Variants in PRKAR2B observed in about 807,000 individuals in gnomAD.
PRKAR2B encodes cAMP-dependent protein kinase type II-beta regulatory subunit.
PRKAR2B carries 14 observed loss-of-function variants against 49.9 expected under a neutral mutation model. The ratio of observed to expected loss-of-function variants is 0.28; its 90% CI spans 0.19 to 0.44. The LOEUF is 0.44. PRKAR2B is among the 20% of genes least tolerant of loss of function. The pLI is 1.00. For synonymous variants in PRKAR2B, 196 were observed against 197.7 expected (o/e 0.99, Z 0.07); for missense variants, 393 against 537.9 (o/e 0.73, Z 2.67).
chr7:107,143,157 A>G (rs1584450754), intron 5 of PRKAR2B, among the ~76,000 whole-genome samples: 1 of 152,262 alleles, frequency 6.6e-6, no homozygotes, highest in South Asian at 2.1e-4. Flanking sequence ...GCTTTGTTTT[A>G]CCCTATTCAA....
intron 2 of PRKAR2B, among the ~76,000 whole-genome samples, chr7:107,073,514 G>A (rs536204435): frequency 2.6e-5 from 4 of 152,274 alleles, no homozygotes; most frequent in East Asian, 1.9e-4. Context: ...GAAGAGAAGC[G>A]TAGATGGGCA....
intron 4 of PRKAR2B, among the ~76,000 whole-genome samples, chr7:107,138,677 G>T (rs899844066): frequency 2.0e-5 from 3 of 149,674 alleles, no homozygotes; most frequent in African/African-American, 7.4e-5. Context: ...CCTCTCCTGA[G>T]TAGCTGAGAC....
At chr7:107,117,952 A>G (rs867447997) in intron 2 of PRKAR2B, among the ~76,000 whole-genome samples, 2 of 152,164 alleles carry the variant, frequency 1.3e-5, no homozygotes, top group Non-Finnish European at 2.9e-5. Context: ...AAAACAGGGA[A>G]ACCTCAATAT....
chr7:107,064,247 C>T (rs1757725823), intron 1 of PRKAR2B, among the ~76,000 whole-genome samples: 1 of 152,178 alleles, frequency 6.6e-6, no homozygotes, highest in Non-Finnish European at 1.5e-5. Context: ...ACTGGAGACT[C>T]ATGTTCATTC....
chr7:107,137,150 GCAGGTCTTTATATTCTGC>G (rs1395232579), intron 4 of PRKAR2B, among the ~76,000 whole-genome samples: 2 of 152,152 alleles, frequency 1.3e-5, no homozygotes, highest in Non-Finnish European at 1.5e-5. Context: ...TCATTCCTAG[GCAGGTCTTTATATTCTGC>G]CAAAACCTCC....
At chr7:107,125,538 A>G (rs950659336) in intron 3 of PRKAR2B, among the ~76,000 whole-genome samples, 1 of 152,182 alleles carries the variant, frequency 6.6e-6, no homozygotes, top group Non-Finnish European at 1.5e-5. Flanking sequence ...GGATCATGCT[A>G]AGCCCCAGAG....
chr7:107,146,968 C>G (rs1016115365), intron 6 of PRKAR2B, among the ~76,000 whole-genome samples: 1 of 152,160 alleles, frequency 6.6e-6, no homozygotes, highest in Admixed American at 6.5e-5. Flanking sequence ...AAAGGATGCT[C>G]TTGGTGCTAT....
chr7:107,141,429 G>C (rs1384977404), intron 5 of PRKAR2B, among the ~76,000 whole-genome samples: 2 of 152,146 alleles, frequency 1.3e-5, no homozygotes, highest in African/African-American at 4.8e-5. Flanking sequence ...GGCGGCTCAG[G>C]CCTGCAATCT....
chr7:107,114,325 TGTGTGTG>T (rs1795228674), intron 2 of PRKAR2B, among the ~76,000 whole-genome samples: 1 of 2,376 alleles, frequency 4.2e-4, no homozygotes, highest in Non-Finnish European at 8.4e-4. Context: ...CATGTACAGC[TGTGTGTG>T]TGTGTGTGTG....
At chr7:107,151,829 A>C (rs1356703957) in intron 7 of PRKAR2B, among the ~76,000 whole-genome samples, 1 of 152,192 alleles carries the variant, frequency 6.6e-6, no homozygotes, top group African/African-American at 2.4e-5. Context: ...CAAAATTAGA[A>C]GTATAGTTTC....
At chr7:107,152,678 G>C (rs1017084243) in intron 7 of PRKAR2B, among the ~76,000 whole-genome samples, 1 of 152,204 alleles carries the variant, frequency 6.6e-6, no homozygotes, top group African/African-American at 2.4e-5. Context: ...AAACAGCAGT[G>C]CTTCTCCTTT....
At chr7:107,149,639 T>C (rs1795948459) in intron 6 of PRKAR2B, among the ~76,000 whole-genome samples, 1 of 152,088 alleles carries the variant, frequency 6.6e-6, no homozygotes, top group Non-Finnish European at 1.5e-5. Context: ...GTGATTAGGA[T>C]TTCAACAGAG....
chr7:107,127,903 G>C (rs1347017041), intron 3 of PRKAR2B, among the ~76,000 whole-genome samples: 2 of 152,192 alleles, frequency 1.3e-5, no homozygotes, highest in Non-Finnish European at 2.9e-5. Flanking sequence ...AATCTTCCTA[G>C]CCAGTCACAG....
intron 2 of PRKAR2B, among the ~76,000 whole-genome samples, chr7:107,111,520 CAAAACACAGAGAGAG>C (rs1443333903): frequency 6.6e-6 from 1 of 152,116 alleles, no homozygotes; most frequent in Non-Finnish European, 1.5e-5. Context: ...CCAGGCAGCT[CAAAACACAGAGAGAG>C]TCTCTGTGTT....
At position 107,066,308 on chromosome 7, in the gene PRKAR2B, G is replaced by A. The variant is rs182161525; in HGVS notation, c.308-3973G>A. On this transcript the variant is annotated intron_variant, in intron 1 of 10. Transcript: ENST00000265717. ...AGTTTTCTCTCTATGTGGGGTGTGT[G>A]TGTGTGTGTGTGTGTGTGTGTGTGT... Among the ~76,000 whole-genome samples the A allele has an allele frequency of 4.5e-3, 674 of 150,812 alleles. 17 individuals carry two copies. Among genetic ancestry groups the A allele is most frequent in the Non-Finnish European group, 5.5e-4 (37 of 67,514 alleles).
At chr7:107,157,072 A>T (rs780783433) in intron 9 of PRKAR2B, 23 bp downstream of exon 9, 1 of 1,608,148 alleles carries the variant, frequency 6.2e-7, no homozygotes, top group South Asian at 1.1e-5. Flanking sequence ...AGTCCTCAGA[A>T]CCCACATACT....
At chr7:107,074,539 T>C (rs1794354976) in intron 2 of PRKAR2B, among the ~76,000 whole-genome samples, 1 of 152,114 alleles carries the variant, frequency 6.6e-6, no homozygotes, top group South Asian at 2.1e-4. Context: ...TGGTACACAC[T>C]TGTAATTTTG....
intron 2 of PRKAR2B, among the ~76,000 whole-genome samples, chr7:107,121,348 C>T (rs946782936): frequency 5.9e-5 from 9 of 152,098 alleles, no homozygotes; most frequent in African/African-American, 2.2e-4. Flanking sequence ...TTATTTACGG[C>T]ATATAATAAT....
At chr7:107,080,532 G>C (rs1319783051) in intron 2 of PRKAR2B, among the ~76,000 whole-genome samples, 1 of 152,170 alleles carries the variant, frequency 6.6e-6, no homozygotes, top group Non-Finnish European at 1.5e-5. Flanking sequence ...GGAAGCTTAA[G>C]GCATGGGGAG....
Sources: allele counts gnomAD v4.1 joint callset (sites outside exome capture counted in the v4.1 genomes callset), GRCh38; gene constraint gnomAD v4.1.1; transcripts MANE v1.5; gene names NCBI Gene and HGNC (gene_info 2026-07-23, HGNC 2026-07-21).